The following BCKDHB variants were observed in gnomAD, a reference collection of about 807,000 sequenced individuals.
BCKDHB encodes 2-oxoisovalerate dehydrogenase subunit beta, mitochondrial.
In BCKDHB, 41 loss-of-function variants were observed where a neutral mutation model predicts 48.5. That is an observed-to-expected ratio of 0.85 (90% CI 0.66 to 1.10). The LOEUF (loss-of-function observed/expected upper bound fraction) is 1.10, where lower values mean the gene tolerates loss of function less well. Among genes scored for constraint, BCKDHB ranks in the 50% least tolerant of loss-of-function variants. BCKDHB has a pLI of 0.00. For missense variants in BCKDHB, 496 were observed against 494.2 expected, an observed-to-expected ratio of 1.00 and a Z score of -0.03; for synonymous variants, 201 against 174.8, an observed-to-expected ratio of 1.15 and a Z score of -1.18.
the BCKDHB span, chr6:80,374,579 T>C: frequency 3.0e-6 from 2 of 657,768 alleles, no homozygotes; most frequent in East Asian, 2.7e-5. Flanking sequence ...TTTTCACAGA[T>C]TACCTCCGGC....
chr6:80,410,793 C>A, the BCKDHB span, among the ~76,000 whole-genome samples: 2 of 152,210 alleles, frequency 1.3e-5, no homozygotes, highest in African/African-American at 2.4e-5. Flanking sequence ...TCAGCTCCAT[C>A]AGGTCATTTA....
chr6:80,348,888 C>A (rs903555254), downstream of BCKDHB, among the ~76,000 whole-genome samples: 2 of 152,072 alleles, frequency 1.3e-5, no homozygotes, highest in African/African-American at 2.4e-5. Context: ...GAAACCCTGG[C>A]ACCTCTCTGA....
At chr6:80,391,990 TTTA>T in the BCKDHB span, among the ~76,000 whole-genome samples, 12 of 152,090 alleles carry the variant, frequency 7.9e-5, no homozygotes, top group Non-Finnish European at 1.3e-4. Context: ...GCCTTTTATT[TTTA>T]TTATTATTGT....
At chr6:80,327,001 T>G (rs1032915000) in intron 9 of BCKDHB, among the ~76,000 whole-genome samples, 3 of 152,206 alleles carry the variant, frequency 2.0e-5, no homozygotes, top group African/African-American at 7.2e-5. Context: ...ATGCCTTCTT[T>G]GTTATCGTAA....
At chr6:80,197,914 C>T (rs1774202813) in intron 6 of BCKDHB, among the ~76,000 whole-genome samples, 1 of 151,498 alleles carries the variant, frequency 6.6e-6, no homozygotes, top group South Asian at 2.1e-4. Context: ...ACCCGCCCGT[C>T]CATTGATCTA....
intron 1 of BCKDHB, among the ~76,000 whole-genome samples, chr6:80,122,934 G>A (rs374832962): frequency 3.0e-4 from 46 of 152,092 alleles, no homozygotes; most frequent in African/African-American, 8.4e-4. Flanking sequence ...TAAGACAGAC[G>A]CTCCCAGAGC....
intron 8 of BCKDHB, among the ~76,000 whole-genome samples, chr6:80,213,411 A>C (rs1033323885): frequency 2.0e-5 from 3 of 152,138 alleles, no homozygotes; most frequent in African/African-American, 7.2e-5. Flanking sequence ...GTTATTCTTA[A>C]TTTCTAAGAC....
intron 1 of BCKDHB, among the ~76,000 whole-genome samples, chr6:80,120,945 T>C (rs1020232098): frequency 6.6e-6 from 1 of 152,232 alleles, no homozygotes; most frequent in Non-Finnish European, 1.5e-5. Flanking sequence ...CCTATACCTA[T>C]GTCCTGAATG....
intron 8 of BCKDHB, among the ~76,000 whole-genome samples, chr6:80,204,424 G>T (rs1774541159): frequency 6.6e-6 from 1 of 151,966 alleles, no homozygotes; most frequent in Non-Finnish European, 1.5e-5. Context: ...AACGCTTTTT[G>T]CAGGCATTTT....
At chr6:80,170,814 C>T (rs1279070020) in intron 5 of BCKDHB, among the ~76,000 whole-genome samples, 3 of 152,056 alleles carry the variant, frequency 2.0e-5, no homozygotes, top group Non-Finnish European at 4.4e-5. Flanking sequence ...TAATTTTTCA[C>T]TTATGAAATG....
At chr6:80,456,508 G>A in the BCKDHB span, among the ~76,000 whole-genome samples, 1 of 152,102 alleles carries the variant, frequency 6.6e-6, no homozygotes, top group Non-Finnish European at 1.5e-5. Context: ...TCTTACAAAG[G>A]TGTAAAGCAT....
chr6:80,181,715 G>GT (rs1289177382), intron 6 of BCKDHB, among the ~76,000 whole-genome samples: 1 of 152,208 alleles, frequency 6.6e-6, no homozygotes, highest in Non-Finnish European at 1.5e-5. Context: ...TAGGCTTGGA[G>GT]TTGACATACT....
chr6:80,385,414 G>A, the BCKDHB span, among the ~76,000 whole-genome samples: 2 of 152,194 alleles, frequency 1.3e-5, no homozygotes, highest in Non-Finnish European at 2.9e-5. Flanking sequence ...CTGCAACTTG[G>A]AATGCGGATG....
chr6:80,400,910 G>C, the BCKDHB span, among the ~76,000 whole-genome samples: 1 of 151,828 alleles, frequency 6.6e-6, no homozygotes, highest in Non-Finnish European at 1.5e-5. Flanking sequence ...TCATGTTCCT[G>C]GCAGCAACAT....
intron 9 of BCKDHB, among the ~76,000 whole-genome samples, chr6:80,334,116 A>G (rs1456402378): frequency 1.3e-5 from 2 of 152,166 alleles, no homozygotes; most frequent in Non-Finnish European, 2.9e-5. Flanking sequence ...CATGCAAATT[A>G]AGACATTCAA....
intron 8 of BCKDHB, among the ~76,000 whole-genome samples, chr6:80,224,264 T>G (rs937463284): frequency 1.3e-5 from 2 of 152,208 alleles, no homozygotes; most frequent in Admixed American, 1.3e-4. Flanking sequence ...TTTATTCTTC[T>G]ATCATGTATA....
At chr6:80,134,127 T>C (rs1411558732) in intron 3 of BCKDHB, among the ~76,000 whole-genome samples, 2 of 152,208 alleles carry the variant, frequency 1.3e-5, no homozygotes, top group African/African-American at 4.8e-5. Context: ...TCTATACTGA[T>C]ATAACTTGCC....
intron 3 of BCKDHB, among the ~76,000 whole-genome samples, chr6:80,139,295 C>T (rs890916594): frequency 1.4e-4 from 22 of 152,036 alleles, no homozygotes; most frequent in South Asian, 2.1e-4. Context: ...TGTGCAGAAG[C>T]TCTTTAGTTT....
intron 9 of BCKDHB, chr6:80,307,743 A>G: frequency 2.0e-6 from 2 of 982,168 alleles, no homozygotes; most frequent in Non-Finnish European, 2.4e-6. Context: ...ATATTGTCAG[A>G]TTTATTTTAG....
Sources: gnomAD v4.1 joint callset for allele counts (sites outside exome capture counted in the v4.1 genomes callset) on GRCh38, gnomAD v4.1.1 for gene constraint, MANE v1.5 for transcripts, NCBI Gene and HGNC (gene_info 2026-07-23, HGNC 2026-07-21) for gene names.